Variants in MED13 observed in about 807,000 individuals in gnomAD.
The protein encoded by MED13 is mediator of RNA polymerase II transcription subunit 13.
A neutral mutation model predicts 225.2 loss-of-function variants in MED13; 23 were observed. That is an observed-to-expected ratio of 0.10 (90% CI 0.07 to 0.14). The LOEUF (loss-of-function observed/expected upper bound fraction) is 0.14, where lower values mean the gene tolerates loss of function less well. Among genes scored for constraint, MED13 ranks in the 10% least tolerant of loss-of-function variants. The pLI, the probability that MED13 is intolerant of heterozygous loss-of-function variation, is 1.00. For synonymous variants in MED13, 942 were observed against 889.2 expected (o/e 1.06, Z -1.06); for missense variants, 2,197 against 2,594.5 (o/e 0.85, Z 3.33).
Position 62,027,101 on chromosome 17 carries a change from A to C in MED13, c.1283+2440T>G, listed in dbSNP as rs147072916. On this transcript the variant is annotated intron_variant, in intron 8 of 29. Transcript: ENST00000397786. ...GAAAAACTATTTTTAAATTTCTATG[A>C]AATTCAAAAAGAGCCCAAATAGCCA... 2.0e-3 allele frequency among the ~76,000 whole-genome samples: 298 copies of C among 152,334 alleles called. 1 individual carries two copies. Among genetic ancestry groups the C allele is most frequent in the African/African-American group, 6.9e-3 (287 of 41,578 alleles).
At chr17:62,042,419 G>T (rs1187666396) in intron 3 of MED13, among the ~76,000 whole-genome samples, 1 of 151,950 alleles carries the variant, frequency 6.6e-6, no homozygotes, top group South Asian at 2.1e-4. Flanking sequence ...AAAATTAGCT[G>T]GGCATGGTGG....
chr17:61,981,479 A>T (rs1193182663), intron 16 of MED13, among the ~76,000 whole-genome samples: 1 of 150,644 alleles, frequency 6.6e-6, no homozygotes, highest in Non-Finnish European at 1.5e-5. Flanking sequence ...CCTAAATTTC[A>T]TCTCCTTCCA....
intron 2 of MED13, among the ~76,000 whole-genome samples, chr17:62,062,600 CCACACACACACA>C (rs58730188): frequency 5.1e-5 from 7 of 136,302 alleles, no homozygotes; most frequent in East Asian, 2.7e-4. Flanking sequence ...CACACACACA[CCACACACACACA>C]CACACACACA....
chr17:62,033,572 T>C (rs1337663849), intron 5 of MED13, among the ~76,000 whole-genome samples: 1 of 152,234 alleles, frequency 6.6e-6, no homozygotes, highest in African/African-American at 2.4e-5. Context: ...TCCTAGCTAC[T>C]GGGATATTCA....
rs752499985 is a variant in MED13 at position 61,987,081 on chromosome 17, T to C, written c.2311A>G (p.Ile771Val). Residue 771 changes from isoleucine (I) to valine (V), a missense_variant, in exon 12 of 30, where the codon ATT becomes GTT. Transcript: ENST00000397786. ...GAGACAGCCAGGTCTGAGTCATAAA[T>C]CAAACTTGTTGATGGAGGACGGGCA... ...SHARPPSTSL[I>V]YDSDLAVSYT... The C allele has an allele frequency of 1.2e-6, 2 of 1,608,628 alleles. No individual in the cohort carries two copies. Among genetic ancestry groups the C allele is most frequent in the Middle Eastern group, 1.7e-4 (1 of 6,044 alleles).
chr17:61,987,100 A>G lies in MED13; in HGVS notation c.2292T>C (p.Arg764=). The change falls in exon 12 of 30, where the codon CGT becomes CGC. Residue 764 remains arginine (R), a synonymous_variant. Transcript: ENST00000397786. ...QDAPRPTSHA[R]PPSTSLIYDS... is the part of the protein sequence containing the mutation. The stretch of plus-strand genomic sequence containing the variant: ...CATAAATCAAACTTGTTGATGGAGG[A>G]CGGGCATGACTAGTAGGGCGTGGAG... The G allele has an allele frequency of 1.1e-5, 18 of 1,609,188 alleles. No individual in the cohort carries two copies. In the South Asian group the frequency reaches 1.9e-4, roughly 17 times the overall value.
At chr17:61,999,101 A>T (rs1387322189) in intron 9 of MED13, among the ~76,000 whole-genome samples, 2 of 152,148 alleles carry the variant, frequency 1.3e-5, no homozygotes, top group African/African-American at 4.8e-5. Flanking sequence ...ATTTCATCAC[A>T]GACTTCTTTC....
In MED13 at chr17:61,947,589, A is replaced by G. The variant is rs202213642; in HGVS notation, c.6292-572T>C. ...TACGTCTAGCACTGAAAAAAGTAAC[A>G]GGAATAAGCATAAGCAAATAGTTTG... On this transcript the variant is annotated intron_variant, in intron 28 of 29. Transcript: ENST00000397786. Among the ~76,000 whole-genome samples the G allele has an allele frequency of 9.2e-5, 14 of 152,360 alleles. No individual in the cohort carries two copies. The East Asian group carries it at 1.2e-3, about 13-fold the overall frequency.
chr17:62,003,206 A>C (rs767655784), intron 9 of MED13, among the ~76,000 whole-genome samples: 1 of 152,186 alleles, frequency 6.6e-6, no homozygotes, highest in Non-Finnish European at 1.5e-5. Context: ...TATTCCATAA[A>C]TGCTTCTTAG....
chr17:61,964,984 A>C (rs371674294), intron 20 of MED13, 22 bp downstream of exon 20: 238 of 1,588,896 alleles, frequency 1.5e-4, no homozygotes, highest in Non-Finnish European at 2.8e-5. Context: ...ATTTCTGCAA[A>C]AATCAGTATT....
intron 16 of MED13, among the ~76,000 whole-genome samples, chr17:61,978,743 C>A (rs566145127): frequency 6.6e-6 from 1 of 152,148 alleles, no homozygotes; most frequent in Non-Finnish European, 1.5e-5. Context: ...ATCTTAACTA[C>A]TCTATATGGC....
chr17:61,978,308 T>C (rs958990045), intron 16 of MED13, among the ~76,000 whole-genome samples: 1 of 152,176 alleles, frequency 6.6e-6, no homozygotes, highest in African/African-American at 2.4e-5. Flanking sequence ...TGGAGTACAA[T>C]GGCAGGATCT....
intron 9 of MED13, among the ~76,000 whole-genome samples, chr17:62,000,092 A>G (rs193217368): frequency 3.4e-4 from 51 of 152,230 alleles, no homozygotes; most frequent in Non-Finnish European, 6.3e-4. Context: ...AATAAAAATC[A>G]AGAGTATTAA....
Position 62,048,051 on chromosome 17 carries a change from T to TACATATACATATAC in MED13, c.470+4485_470+4486insGTATATGTATATGT, listed in dbSNP as rs1364860315. On this transcript the variant is annotated intron_variant, in intron 3 of 29. Transcript: ENST00000397786. ...ATATACATATACATATACATATATA[T>TACATATACATATAC]ATATATATATATGTATATATGTATA... Among the ~76,000 whole-genome samples, 10 of 144,814 alleles carry TACATATACATATAC rather than the reference T, an allele frequency of 6.9e-5. No homozygotes were observed. The South Asian group carries it at 1.7e-3, about 25-fold the overall frequency.
chr17:61,950,250 G>A (rs1396685997), intron 28 of MED13, among the ~76,000 whole-genome samples: 1 of 151,800 alleles, frequency 6.6e-6, no homozygotes, highest in East Asian at 1.9e-4. Context: ...TCTCCAATTT[G>A]AAAAAATCCA....
At chr17:61,970,623 A>G (rs967053170) in intron 17 of MED13, among the ~76,000 whole-genome samples, 3 of 133,006 alleles carry the variant, frequency 2.3e-5, no homozygotes, top group Non-Finnish European at 1.6e-5. Context: ...CAGAGGGTGC[A>G]GTGAGCTAAG....
In MED13 at chr17:61,951,476, T is replaced by A. The variant is rs557024632; in HGVS notation, c.6118-478A>T. On this transcript the variant is annotated intron_variant, in intron 27 of 29. Transcript: ENST00000397786. The stretch of plus-strand genomic sequence containing the variant: ...GGACAACTACCAAGTCACATGCATA[T>A]CCTTTGGATTAGTTAATGTATTTCT... Among the ~76,000 whole-genome samples, 4 of 152,276 alleles carry A rather than the reference T, an allele frequency of 2.6e-5. No homozygotes were observed. In the South Asian group the frequency reaches 6.2e-4, roughly 24 times the overall value.
chr17:61,961,700 G>A lies in MED13; in HGVS notation c.5144C>T (p.Ala1715Val). 3 of 1,614,034 alleles carry A rather than the reference G, an allele frequency of 1.9e-6. No homozygotes were observed. The highest frequency in any genetic ancestry group is 2.5e-6 in the Non-Finnish European group (3 of 1,179,986). ...CCGACACTGGGTAAAGGCCGAAAAA[G>A]CCAGGGATTTTAAATGCTGGGGATA... ...EIYPQHLKSLAFSAFTQCRRP... is the reference protein window; with the variant it reads ...EIYPQHLKSLVFSAFTQCRRP... Residue 1715 changes from alanine (A) to valine (V), a missense_variant, in exon 22 of 30, where the codon GCT becomes GTT. This residue lies in a region of MED13 where 457 missense variants were observed against 442.2 expected (regional missense o/e 1.03). Coordinates refer to ENST00000397786, the MANE Select transcript of MED13 (RefSeq NM_005121.3).
intron 11 of MED13, among the ~76,000 whole-genome samples, chr17:61,988,608 T>C (rs886824343): frequency 3.9e-5 from 6 of 152,184 alleles, no homozygotes; most frequent in Non-Finnish European, 7.3e-5. Flanking sequence ...GAATGTAGCA[T>C]ATGTCTCACA....
Sources: allele counts gnomAD v4.1 joint callset (sites outside exome capture counted in the v4.1 genomes callset), GRCh38; gene constraint gnomAD v4.1.1; regional missense constraint gnomAD v4.1.1; transcripts MANE v1.5; gene names NCBI Gene and HGNC (gene_info 2026-07-23, HGNC 2026-07-21).